GSE1: variants seen among roughly 807,000 people sequenced by gnomAD.
GSE1 encodes Gse1 coiled-coil protein.
A neutral mutation model predicts 112.6 loss-of-function variants in GSE1; 32 were observed. That is an observed-to-expected ratio of 0.28 (90% confidence interval 0.21 to 0.38). The LOEUF is 0.38. Among genes scored for constraint, GSE1 ranks in the 10% least tolerant of loss-of-function variants. The probability of loss-of-function intolerance (pLI) is 1.00; values close to 1 mark genes in which losing one functional copy is unlikely to be tolerated. For missense variants in GSE1, 2,348 were observed against 1,699.2 expected (o/e 1.38, Z -6.71); for synonymous variants, 1,115 against 735.6 (o/e 1.52, Z -8.35).
chr16:85,361,297 A>G (rs1169046286), intron 2 of GSE1, among the ~76,000 whole-genome samples: 1 of 110,662 alleles, frequency 9.0e-6, no homozygotes, highest in African/African-American at 3.5e-5. Flanking sequence ...GCAGAGACAC[A>G]CAGAGACAGG....
chr16:85,656,472 G>A lies in GSE1; in HGVS notation c.1119G>A (p.Lys373=). 6.5e-7 allele frequency: 1 copy of A among 1,543,904 alleles called. No individual in the cohort carries two copies. The highest frequency in any genetic ancestry group is 8.8e-7 in the Non-Finnish European group (1 of 1,140,612). The change falls in exon 7 of 16, where the codon AAG becomes AAA. Residue 373 remains lysine, a synonymous_variant. Transcript: ENST00000253458. ...GCGAGAAGGAGCGCGAGCAAGAGAA[G>A]GAGCGTGAGCGTGAGAAGGAGCGCG... The part of the protein sequence containing the change: ...REREKEREQE[K]EREREKERER...
rs1477278622 is a variant in GSE1, at chr16:85,208,141, G to A, written c.2283+36334G>A. 2.6e-5 allele frequency among the ~76,000 whole-genome samples: 4 copies of A among 152,128 alleles called. No homozygotes were observed. In the East Asian group the frequency reaches 7.7e-4, roughly 29 times the overall value. On this transcript the variant is annotated intron_variant, in intron 1 of 2. Transcript: ENST00000637419. ...TGTCGTCCTTGTCCTTGAATGGCCT[G>A]GTGACTTTGGATGGGTCATGCTGTT... is the stretch of plus-strand genomic sequence containing the variant.
intron 1 of GSE1, among the ~76,000 whole-genome samples, chr16:85,208,961 C>T (rs1378584570): frequency 2.8e-5 from 4 of 145,262 alleles, no homozygotes; most frequent in African/African-American, 5.2e-5. Flanking sequence ...TGTTGGGGTT[C>T]GCCTGTGTTG....
At chr16:85,481,755 C>T (rs557266935) in intron 2 of GSE1, among the ~76,000 whole-genome samples, 4 of 152,296 alleles carry the variant, frequency 2.6e-5, no homozygotes, top group South Asian at 4.1e-4. Context: ...GCCCAATGCC[C>T]GGCACTTTGG....
rs1345007542 is a variant in GSE1 at position 85,665,972 on chromosome 16, A to G, written c.2759-4A>G. The G allele has an allele frequency of 1.2e-6, 2 of 1,612,938 alleles. No homozygotes were observed. Among genetic ancestry groups the G allele is most frequent in the South Asian group, 2.2e-5 (2 of 91,082 alleles). On this transcript the variant is annotated splice_region_variant and splice_polypyrimidine_tract_variant and intron_variant, in intron 12 of 15. Transcript: ENST00000253458. ...AATATTTTCCTTCACTTTGTCTCTA[A>G]AAGAACCAGCCACGCAGCAAGCCTC...
intron 1 of GSE1, among the ~76,000 whole-genome samples, chr16:85,630,854 C>T (rs1017968945): frequency 7.9e-5 from 12 of 152,252 alleles, no homozygotes; most frequent in African/African-American, 2.9e-4. Context: ...GTACGCTAGG[C>T]CTCTTGGGCT....
chr16:85,535,754 A>G (rs374614165), intron 2 of GSE1, among the ~76,000 whole-genome samples: 5 of 152,216 alleles, frequency 3.3e-5, no homozygotes, highest in Admixed American at 6.5e-5. Flanking sequence ...CTAGGCGCCA[A>G]TGGGAACCAT....
chr16:85,369,942 G>T (rs958730488), intron 2 of GSE1, among the ~76,000 whole-genome samples: 1 of 152,198 alleles, frequency 6.6e-6, no homozygotes, highest in Non-Finnish European at 1.5e-5. Flanking sequence ...TGCATTCTGC[G>T]TCACCCCGGG....
At chr16:85,198,017 C>T (rs372327059) in intron 1 of GSE1, among the ~76,000 whole-genome samples, 2 of 152,168 alleles carry the variant, frequency 1.3e-5, no homozygotes, top group Non-Finnish European at 2.9e-5. Flanking sequence ...TGCCTCCTAC[C>T]GAGAGCACCC....
chr16:85,655,776 T>TC lies in GSE1; in HGVS notation c.852dup (p.Thr285HisfsTer66). 1.9e-6 allele frequency: 3 copies of TC among 1,583,296 alleles called. No individual in the cohort carries two copies. The highest frequency in any genetic ancestry group is 1.7e-4 in the Middle Eastern group (1 of 5,988). ...GCCCTGAGGTCCCCGTTCTACCCCATCCCCACCCCCGGCTCCCTGCCCCCA... is the reference window on the plus strand; with the variant it reads ...GCCCTGAGGTCCCCGTTCTACCCCATCCCCCACCCCCGGCTCCCTGCCCCCA... On this transcript the variant is annotated frameshift_variant, in exon 6 of 16. Coordinates refer to ENST00000253458, the MANE Select transcript of GSE1 (RefSeq NM_014615.5). LOFTEE classifies it high-confidence loss of function.
intron 1 of GSE1, among the ~76,000 whole-genome samples, chr16:85,589,948 TG>T (rs567064422): frequency 6.4e-4 from 98 of 152,116 alleles, no homozygotes; most frequent in African/African-American, 2.2e-3. Context: ...TGTGACATTG[TG>T]GGAATGTGAG....
chr16:85,668,470 C>T, intron 14 of GSE1, 46 bp downstream of exon 14: 1 of 1,328,558 alleles, frequency 7.5e-7, no homozygotes, highest in Non-Finnish European at 1.0e-6. Context: ...AGGAAAGTAC[C>T]TTTGGAAAGG....
At chr16:85,649,381 A>C (rs1246525336) in intron 3 of GSE1, among the ~76,000 whole-genome samples, 2 of 152,198 alleles carry the variant, frequency 1.3e-5, no homozygotes, top group Non-Finnish European at 2.9e-5. Flanking sequence ...GAACTGAACA[A>C]AGAATTGAGG....
chr16:85,183,140 C>T (rs757718590), intron 1 of GSE1, among the ~76,000 whole-genome samples: 6 of 152,136 alleles, frequency 3.9e-5, no homozygotes, highest in East Asian at 1.9e-4. Flanking sequence ...CCGCCACATT[C>T]GCACTCATAC....
rs115819911 is a variant in GSE1 at position 85,197,947 on chromosome 16, C to T, written c.2283+26140C>T. ...TTCCATCTTGGATGTGTGGTGAGCA[C>T]GCAGGGCAATTCCTAGATACAGTCA... On this transcript the variant is annotated intron_variant, in intron 1 of 2. Transcript: ENST00000637419. Among the ~76,000 whole-genome samples, 510 of 152,196 alleles carry T rather than the reference C, an allele frequency of 3.4e-3. 5 individuals carry two copies. The highest frequency in any genetic ancestry group is 0.011 in the African/African-American group (466 of 41,516).
intron 1 of GSE1, among the ~76,000 whole-genome samples, chr16:85,303,645 C>T (rs1273487240): frequency 2.0e-5 from 3 of 152,274 alleles, no homozygotes; most frequent in South Asian, 2.1e-4. Context: ...GGCCGCACAG[C>T]TGGCCAGCTG....
intron 2 of GSE1, among the ~76,000 whole-genome samples, chr16:85,397,285 G>A (rs908153289): frequency 1.3e-5 from 2 of 152,204 alleles, no homozygotes; most frequent in African/African-American, 4.8e-5. Context: ...GAGGGCCCAG[G>A]GCCACACAGC....
chr16:85,278,278 C>T (rs1387683367), intron 1 of GSE1, among the ~76,000 whole-genome samples: 1 of 152,240 alleles, frequency 6.6e-6, no homozygotes. Context: ...CTTCTTGCTC[C>T]TGAGTAGTGA....
At chr16:85,497,459 G>A (rs1186286490) in intron 2 of GSE1, among the ~76,000 whole-genome samples, 1 of 152,188 alleles carries the variant, frequency 6.6e-6, no homozygotes, top group African/African-American at 2.4e-5. Flanking sequence ...AGACAAGGTC[G>A]TGTGCGTGAA....
Sources: gnomAD v4.1 joint callset for allele counts (sites outside exome capture counted in the v4.1 genomes callset) on GRCh38, gnomAD v4.1.1 for gene constraint, MANE v1.5 for transcripts, NCBI Gene and HGNC (gene_info 2026-07-23, HGNC 2026-07-21) for gene names.